The following GHR variants were observed in gnomAD, a reference collection of about 807,000 sequenced individuals.
GHR encodes growth hormone receptor.
Under a neutral mutation model 67.1 loss-of-function variants are expected in GHR, and 35 were observed. The observed-to-expected ratio is 0.52, with a 90% CI of 0.40 to 0.69. The LOEUF is 0.69. Among genes scored for constraint, GHR ranks in the 30% least tolerant of loss-of-function variants. GHR has a pLI of 0.00. For missense variants in GHR, 792 were observed against 764.6 expected, an observed-to-expected ratio of 1.04 and a Z score of -0.42; for synonymous variants, 272 against 269.1, an observed-to-expected ratio of 1.01 and a Z score of -0.10.
At chr5:42,550,873 T>C (rs1748993462) in intron 1 of GHR, among the ~76,000 whole-genome samples, 1 of 152,186 alleles carries the variant, frequency 6.6e-6, no homozygotes, top group African/African-American at 2.4e-5. Flanking sequence ...TGAAATTCTC[T>C]TGCACCAACA....
At chr5:42,549,562 T>C (rs1158763485) in intron 1 of GHR, 1 of 446,800 alleles carries the variant, frequency 2.2e-6, no homozygotes, top group South Asian at 9.4e-5. Context: ...TTTAGGGGAA[T>C]GAGTAGCAAA....
chr5:42,427,931 G>A (rs552974025), intron 1 of GHR, among the ~76,000 whole-genome samples: 1 of 152,160 alleles, frequency 6.6e-6, no homozygotes, highest in South Asian at 2.1e-4. Flanking sequence ...TTCATGGCTG[G>A]CATTGACTGT....
At chr5:42,557,008 T>C (rs1670845185) in intron 1 of GHR, among the ~76,000 whole-genome samples, 1 of 152,214 alleles carries the variant, frequency 6.6e-6, no homozygotes, top group African/African-American at 2.4e-5. Flanking sequence ...CCAAGCGTCT[T>C]GTCACTGGGA....
chr5:42,557,365 G>A (rs1343954934), intron 1 of GHR, among the ~76,000 whole-genome samples: 1 of 152,032 alleles, frequency 6.6e-6, no homozygotes, highest in African/African-American at 2.4e-5. Flanking sequence ...CACATGCCTA[G>A]ATGTCCTCTT....
At chr5:42,467,292 A>C in intron 1 of GHR, 3 of 1,136,088 alleles carry the variant, frequency 2.6e-6, no homozygotes, top group Non-Finnish European at 4.0e-6. Flanking sequence ...TCCCAAACTC[A>C]CACTCATATG....
At chr5:42,464,020 AAAG>A (rs1744615614) in intron 1 of GHR, among the ~76,000 whole-genome samples, 1 of 148,546 alleles carries the variant, frequency 6.7e-6, no homozygotes, top group Non-Finnish European at 1.5e-5. Flanking sequence ...AAAAAAAGAA[AAAG>A]AAATAATTTA....
chr5:42,570,518 T>C (rs1485605625), intron 2 of GHR, among the ~76,000 whole-genome samples: 1 of 152,238 alleles, frequency 6.6e-6, no homozygotes, highest in Non-Finnish European at 1.5e-5. Context: ...CATGTATTTA[T>C]TTATTTATTC....
At chr5:42,523,982 G>T (rs1747589494) in intron 1 of GHR, among the ~76,000 whole-genome samples, 1 of 152,166 alleles carries the variant, frequency 6.6e-6, no homozygotes, top group Admixed American at 6.5e-5. Flanking sequence ...GCCTCCCAAG[G>T]CATGTGGAAC....
chr5:42,662,398 A>G (rs1010002443), intron 3 of GHR, among the ~76,000 whole-genome samples: 5 of 152,202 alleles, frequency 3.3e-5, no homozygotes, highest in Non-Finnish European at 7.3e-5. Context: ...AAATTATAAC[A>G]AACTGTCTCT....
chr5:42,516,099 C>G (rs1222628954), intron 1 of GHR, among the ~76,000 whole-genome samples: 1 of 152,114 alleles, frequency 6.6e-6, no homozygotes, highest in Non-Finnish European at 1.5e-5. Flanking sequence ...TCTTTATAAT[C>G]TCTAATTGGC....
chr5:42,646,355 A>C, intron 3 of GHR: 2 of 455,116 alleles, frequency 4.4e-6, no homozygotes, highest in South Asian at 3.1e-5. Context: ...CTCACATATC[A>C]AGAAAATGGT....
intron 2 of GHR, among the ~76,000 whole-genome samples, chr5:42,606,110 G>A (rs1312090464): frequency 6.6e-6 from 1 of 152,108 alleles, no homozygotes; most frequent in Non-Finnish European, 1.5e-5. Context: ...CAGTCTCTCA[G>A]GTGGGAGCTG....
chr5:42,635,590 C>A (rs1754138647), intron 3 of GHR, among the ~76,000 whole-genome samples: 1 of 152,168 alleles, frequency 6.6e-6, no homozygotes, highest in Non-Finnish European at 1.5e-5. Context: ...TTATATACTG[C>A]TTTGTTTTCA....
chr5:42,642,148 G>A (rs996784045), intron 3 of GHR, among the ~76,000 whole-genome samples: 2 of 152,112 alleles, frequency 1.3e-5, no homozygotes, highest in Non-Finnish European at 2.9e-5. Flanking sequence ...ATCAGAAGAC[G>A]ATTAGAAGGG....
chr5:42,545,324 A>G (rs1294653719), intron 1 of GHR, among the ~76,000 whole-genome samples: 1 of 152,198 alleles, frequency 6.6e-6, no homozygotes, highest in East Asian at 1.9e-4. Context: ...GTGGCAATAT[A>G]ATTGGCAGGT....
intron 1 of GHR, among the ~76,000 whole-genome samples, chr5:42,480,851 C>T (rs137939562): frequency 0.027 from 4,093 of 152,158 alleles, 155 homozygotes; most frequent in East Asian, 0.16. Context: ...AATTTGCCAG[C>T]CTGTGTCTTT....
intron 2 of GHR, among the ~76,000 whole-genome samples, chr5:42,620,840 C>T (rs1753406248): frequency 1.3e-5 from 2 of 152,246 alleles, no homozygotes; most frequent in South Asian, 4.1e-4. Context: ...AGTGAATTCA[C>T]AAGTCTTAAA....
chr5:42,504,131 T>C (rs1302382791), intron 1 of GHR, among the ~76,000 whole-genome samples: 1 of 152,164 alleles, frequency 6.6e-6, no homozygotes, highest in African/African-American at 2.4e-5. Context: ...TGTTATTCTT[T>C]TGGAGTTATC....
At chr5:42,608,346 A>G (rs1401456490) in intron 2 of GHR, among the ~76,000 whole-genome samples, 1 of 152,172 alleles carries the variant, frequency 6.6e-6, no homozygotes, top group Non-Finnish European at 1.5e-5. Flanking sequence ...TGTAGTACAA[A>G]GTTAATCGCT....
Sources: allele counts gnomAD v4.1 joint callset (sites outside exome capture counted in the v4.1 genomes callset), GRCh38; gene constraint gnomAD v4.1.1; transcripts MANE v1.5; gene names NCBI Gene and HGNC (gene_info 2026-07-23, HGNC 2026-07-21).